ERICH5: variants seen among roughly 807,000 people sequenced by gnomAD.
ERICH5 encodes glutamate rich 5.
ERICH5 carries 24 observed loss-of-function variants against 28.0 expected under a neutral mutation model. That is an observed-to-expected ratio of 0.86 (90% CI 0.62 to 1.21). ERICH5 has a LOEUF of 1.21. Ranked by LOEUF, ERICH5 falls within the 50% of genes most tolerant of loss-of-function variation. ERICH5 has a pLI of 0.00. For synonymous variants in ERICH5, 163 were observed against 157.6 expected (o/e 1.03, Z -0.25); for missense variants, 421 against 441.2 (o/e 0.95, Z 0.41).
intron 1 of ERICH5, among the ~76,000 whole-genome samples, chr8:98,088,073 C>G (rs1815312086): frequency 6.6e-6 from 1 of 150,718 alleles, no homozygotes. Flanking sequence ...AAAAGTAAAA[C>G]AAAAATAAAA....
intron 1 of ERICH5, among the ~76,000 whole-genome samples, chr8:98,078,717 G>A (rs1198417922): frequency 6.6e-6 from 1 of 152,158 alleles, no homozygotes; most frequent in Admixed American, 6.6e-5. Context: ...CAATGAATTT[G>A]TGCATGGATC....
chr8:98,076,206 A>G (rs1249120935), intron 1 of ERICH5, among the ~76,000 whole-genome samples: 1 of 151,966 alleles, frequency 6.6e-6, no homozygotes, highest in African/African-American at 2.4e-5. Context: ...GGCGCCCGCC[A>G]CCATGCTCAG....
intron 1 of ERICH5, among the ~76,000 whole-genome samples, chr8:98,083,707 A>C (rs1421678517): frequency 6.6e-6 from 1 of 152,198 alleles, no homozygotes; most frequent in Middle Eastern, 3.2e-3. Flanking sequence ...AATAAGATAG[A>C]GAGCTCAGCT....
chr8:98,073,524 A>T (rs1320567614), intron 1 of ERICH5, among the ~76,000 whole-genome samples: 1 of 10,604 alleles, frequency 9.4e-5, no homozygotes, highest in African/African-American at 3.2e-4. Context: ...ATGTATATAT[A>T]TATATATATA....
intron 1 of ERICH5, among the ~76,000 whole-genome samples, chr8:98,069,710 G>A (rs1049137606): frequency 2.0e-5 from 3 of 152,176 alleles, no homozygotes; most frequent in Admixed American, 2.0e-4. Context: ...AAGTATATCT[G>A]TAGGACAGTT....
chr8:98,089,244 T>C lies in ERICH5; in HGVS notation c.227T>C (p.Val76Ala). Reference sequence around the variant, plus strand: ...TCAGCAGAGCCTACAGCTAATGGTGTTAAACCCCTCCAAGAACAGCCCCTG... The same window carrying C: ...TCAGCAGAGCCTACAGCTAATGGTGCTAAACCCCTCCAAGAACAGCCCCTG... ...KVSAEPTANG[V>A]KPLQEQPLAK... Residue 76 changes from valine to alanine, a missense_variant, in exon 2 of 3, where the codon GTT becomes GCT. Physicochemically the swap from Val to Ala is moderately conservative, Grantham distance 64. Transcript: ENST00000318528. 1.2e-6 allele frequency: 2 copies of C among 1,614,156 alleles called. No individual in the cohort carries two copies. Among genetic ancestry groups the C allele is most frequent in the Non-Finnish European group, 1.7e-6 (2 of 1,180,032 alleles).
chr8:98,065,822 C>G (rs1814810041), intron 1 of ERICH5, among the ~76,000 whole-genome samples: 1 of 152,164 alleles, frequency 6.6e-6, no homozygotes, highest in Non-Finnish European at 1.5e-5. Flanking sequence ...TCTCTTAGCA[C>G]CTTGTGTTAT....
intron 1 of ERICH5, among the ~76,000 whole-genome samples, chr8:98,068,676 C>T (rs1169904979): frequency 6.6e-6 from 1 of 152,148 alleles, no homozygotes; most frequent in Non-Finnish European, 1.5e-5. Context: ...GTGTTCCTAG[C>T]CCTCTGCTAA....
At chr8:98,083,319 AT>A (rs1332912769) in intron 1 of ERICH5, among the ~76,000 whole-genome samples, 1 of 152,134 alleles carries the variant, frequency 6.6e-6, no homozygotes, top group African/African-American at 2.4e-5. Context: ...CCAGACCATC[AT>A]TTGTGTGATA....
intron 2 of ERICH5, among the ~76,000 whole-genome samples, chr8:98,091,835 T>C (rs1815389469): frequency 7.2e-6 from 1 of 138,634 alleles, no homozygotes; most frequent in African/African-American, 2.7e-5. Flanking sequence ...TTTCTTTTTC[T>C]TTTTCTTTCT....
At chr8:98,079,834 C>T (rs772346392) in intron 1 of ERICH5, among the ~76,000 whole-genome samples, 4 of 152,186 alleles carry the variant, frequency 2.6e-5, no homozygotes, top group Admixed American at 6.5e-5. Context: ...CTACCGTGCC[C>T]GGCCTACTTT....
intron 1 of ERICH5, among the ~76,000 whole-genome samples, chr8:98,076,674 A>T (rs766037068): frequency 2.6e-5 from 4 of 152,158 alleles, no homozygotes; most frequent in Admixed American, 6.5e-5. Flanking sequence ...TTCATATAGG[A>T]TTGTTCAATC....
chr8:98,090,168 G>C, intron 2 of ERICH5, 139 bp downstream of exon 2: 1 of 597,236 alleles, frequency 1.7e-6, no homozygotes, highest in South Asian at 2.7e-5. Flanking sequence ...AAACCAAAAA[G>C]GCTTCTGTGC....
At chr8:98,069,709 T>A (rs1437649138) in intron 1 of ERICH5, among the ~76,000 whole-genome samples, 3 of 152,248 alleles carry the variant, frequency 2.0e-5, no homozygotes, top group Non-Finnish European at 4.4e-5. Flanking sequence ...CAAGTATATC[T>A]GTAGGACAGT....
At chr8:98,066,818 C>T (rs1045460320) in intron 1 of ERICH5, among the ~76,000 whole-genome samples, 4 of 152,270 alleles carry the variant, frequency 2.6e-5, no homozygotes, top group East Asian at 3.9e-4. Flanking sequence ...ATCTTAGGCC[C>T]GATAAATAAT....
In ERICH5 at chr8:98,089,673, A is replaced by G. The variant is rs752959672; in HGVS notation, c.656A>G (p.Glu219Gly). 9.9e-6 allele frequency: 16 copies of G among 1,614,188 alleles called. No homozygotes were observed. The highest frequency in any genetic ancestry group is 4.0e-5 in the African/African-American group (3 of 75,066). ...VGKDEQAPLL[E>G]TISKENESPE... ...AAGGATGAGCAGGCCCCGCTTCTAG[A>G]AACAATTTCCAAAGAGAATGAATCT... The change falls in exon 2 of 3, where the codon GAA becomes GGA. Residue 219 changes from glutamate to glycine, a missense_variant. Glu to Gly is a moderately conservative substitution (Grantham distance 98). Transcript: ENST00000318528.
chr8:98,078,784 T>C (rs1177195836), intron 1 of ERICH5, among the ~76,000 whole-genome samples: 1 of 152,210 alleles, frequency 6.6e-6, no homozygotes, highest in African/African-American at 2.4e-5. Context: ...CTCAGAGCAG[T>C]GTATGATTTG....
rs890455921 is a variant in ERICH5, at chr8:98,089,065, A to T, written c.59-11A>T. 3 of 1,570,064 alleles carry T rather than the reference A, an allele frequency of 1.9e-6. No homozygotes were observed. The highest frequency in any genetic ancestry group is 2.2e-5 in the East Asian group (1 of 44,540). Reference sequence around the variant, plus strand: ...CTCTTTTCTTTTTCTTTTTCAAATGAATAACCAAAGTAACTTCAAATGAGC... The same window carrying T: ...CTCTTTTCTTTTTCTTTTTCAAATGTATAACCAAAGTAACTTCAAATGAGC... On this transcript the variant is annotated splice_polypyrimidine_tract_variant and intron_variant, in intron 1 of 2. Transcript: ENST00000318528.
intron 1 of ERICH5, among the ~76,000 whole-genome samples, chr8:98,085,077 C>T (rs1053363559): frequency 6.9e-6 from 1 of 144,204 alleles, no homozygotes; most frequent in Non-Finnish European, 1.5e-5. Flanking sequence ...TTGCACTTAT[C>T]AATTGTTCAT....
Sources: allele counts gnomAD v4.1 joint callset (sites outside exome capture counted in the v4.1 genomes callset), GRCh38; gene constraint gnomAD v4.1.1; transcripts MANE v1.5; gene names NCBI Gene and HGNC (gene_info 2026-07-23, HGNC 2026-07-21).